SAMD5: variants seen among roughly 807,000 people sequenced by gnomAD.
SAMD5 encodes sterile alpha motif domain-containing protein 5.
In SAMD5, 13 loss-of-function variants were observed where a neutral mutation model predicts 11.3. The observed-to-expected ratio is 1.15, with a 90% CI of 0.75 to 1.83. The LOEUF (loss-of-function observed/expected upper bound fraction) is 1.83, where lower values mean the gene tolerates loss of function less well. Ranked by LOEUF, SAMD5 falls within the 40% of genes most tolerant of loss-of-function variation. The pLI is 0.00. For missense variants in SAMD5, 255 were observed against 239.1 expected, an observed-to-expected ratio of 1.07 and a Z score of -0.44; for synonymous variants, 129 against 111.3, an observed-to-expected ratio of 1.16 and a Z score of -1.00.
At chr6:147,843,944 T>C in the SAMD5 span, among the ~76,000 whole-genome samples, 3 of 152,142 alleles carry the variant, frequency 2.0e-5, no homozygotes, top group Admixed American at 6.5e-5. Flanking sequence ...AGTGATTTCT[T>C]GAATATGACC....
chr6:147,751,071 G>A, the SAMD5 span, among the ~76,000 whole-genome samples: 30 of 152,116 alleles, frequency 2.0e-4, no homozygotes, highest in East Asian at 1.9e-4. Context: ...TGGCTCCAAC[G>A]ACACATCTCC....
chr6:147,584,533 G>A (rs1303093809), intron 1 of SAMD5, among the ~76,000 whole-genome samples: 2 of 152,136 alleles, frequency 1.3e-5, no homozygotes, highest in Non-Finnish European at 2.9e-5. Context: ...AGCCAGGGCT[G>A]CCCTGGCCTC....
chr6:147,733,840 A>C (rs1038218470), intron 1 of SAMD5: 1 of 614,462 alleles, frequency 1.6e-6, no homozygotes, highest in African/African-American at 2.0e-5. Context: ...TGCAGAGTTA[A>C]AACACTTGGC....
the SAMD5 span, among the ~76,000 whole-genome samples, chr6:147,798,305 C>T: frequency 6.6e-6 from 1 of 150,612 alleles, no homozygotes; most frequent in African/African-American, 2.5e-5. Context: ...ATCTTTATTT[C>T]TGCCTTCATT....
At chr6:147,588,669 GT>G (rs374750438) in intron 1 of SAMD5, among the ~76,000 whole-genome samples, 42 of 151,054 alleles carry the variant, frequency 2.8e-4, no homozygotes, top group African/African-American at 7.5e-4. Context: ...AATAAAATGT[GT>G]TTTTTTTTAC....
At chr6:147,692,761 C>T (rs1791121781) in intron 1 of SAMD5, among the ~76,000 whole-genome samples, 1 of 152,098 alleles carries the variant, frequency 6.6e-6, no homozygotes, top group Non-Finnish European at 1.5e-5. Context: ...ATGTTGGGGC[C>T]TTTTGCGATT....
chr6:147,903,090 G>T, the SAMD5 span, among the ~76,000 whole-genome samples: 1 of 152,170 alleles, frequency 6.6e-6, no homozygotes, highest in East Asian at 1.9e-4. Flanking sequence ...CCTCTATGAG[G>T]TCAGGCCTTC....
intron 1 of SAMD5, among the ~76,000 whole-genome samples, chr6:147,648,545 ACC>A (rs1790437157): frequency 6.6e-6 from 1 of 152,188 alleles, no homozygotes; most frequent in African/African-American, 2.4e-5. Flanking sequence ...ACAAGGGTCC[ACC>A]CCCACTGTCA....
rs150589816 is a variant in SAMD5, at chr6:147,566,010, T to G, written c.*1554T>G. On this transcript the variant is annotated 3_prime_UTR_variant, in exon 2 of 2. Transcript: ENST00000367474. ...ACTCTCAAAGGAAAAGAAACTTACA[T>G]TCACTTTTTCCTGGTCCATTTTGGT... The G allele has an allele frequency of 1.3e-5, 13 of 985,322 alleles. No individual in the cohort carries two copies. The African/African-American group carries it at 2.3e-4, about 17-fold the overall frequency. The allele number at this position is 985,322 out of a possible 1,614,324, so 61.0% of individuals were successfully genotyped here.
At chr6:147,665,100 A>G (rs1790699361) in intron 1 of SAMD5, among the ~76,000 whole-genome samples, 1 of 152,132 alleles carries the variant, frequency 6.6e-6, no homozygotes, top group African/African-American at 2.4e-5. Flanking sequence ...CCCTTAAAAG[A>G]ATGTTTTCAT....
intron 1 of SAMD5, among the ~76,000 whole-genome samples, chr6:147,581,891 T>C (rs1789303824): frequency 6.6e-6 from 1 of 151,542 alleles, no homozygotes; most frequent in African/African-American, 2.4e-5. Context: ...TAGATTAGAG[T>C]ATGTTTAAAT....
chr6:147,723,304 T>A (rs1791581155), intron 1 of SAMD5, among the ~76,000 whole-genome samples: 1 of 152,140 alleles, frequency 6.6e-6, no homozygotes, highest in Non-Finnish European at 1.5e-5. Context: ...TTGGTATCAG[T>A]GCAGGATTTT....
intron 1 of SAMD5, among the ~76,000 whole-genome samples, chr6:147,734,056 G>C (rs374023448): frequency 4.1e-5 from 6 of 147,760 alleles, no homozygotes; most frequent in African/African-American, 1.3e-4. Context: ...TTCCCTATAA[G>C]ATAAGTTTTT....
chr6:147,640,496 G>A (rs1407235967), intron 1 of SAMD5, among the ~76,000 whole-genome samples: 3 of 14,686 alleles, frequency 2.0e-4, no homozygotes, highest in Non-Finnish European at 4.2e-4. Flanking sequence ...AGACTCTGTC[G>A]CAAAAAAAAA....
chr6:147,910,593 G>A, the SAMD5 span, among the ~76,000 whole-genome samples: 3 of 152,084 alleles, frequency 2.0e-5, no homozygotes, highest in Non-Finnish European at 2.9e-5. Context: ...CTATTATAAA[G>A]TGACCCAAAA....
intron 1 of SAMD5, among the ~76,000 whole-genome samples, chr6:147,528,859 G>A (rs1032952389): frequency 5.9e-5 from 9 of 152,164 alleles, no homozygotes; most frequent in African/African-American, 1.9e-4. Flanking sequence ...CATTTGCATG[G>A]CATTTATTAG....
chr6:147,829,142 A>G, the SAMD5 span, among the ~76,000 whole-genome samples: 1 of 152,230 alleles, frequency 6.6e-6, no homozygotes, highest in Non-Finnish European at 1.5e-5. Context: ...AGTCCTGTTT[A>G]ACATAGGAAG....
the SAMD5 span, among the ~76,000 whole-genome samples, chr6:147,895,944 G>A: frequency 5.3e-5 from 8 of 152,222 alleles, no homozygotes; most frequent in African/African-American, 1.9e-4. Flanking sequence ...GAAATTGGAA[G>A]AGACAGCTGG....
the SAMD5 span, among the ~76,000 whole-genome samples, chr6:147,762,624 A>T: frequency 6.6e-6 from 1 of 152,218 alleles, no homozygotes; most frequent in East Asian, 1.9e-4. Flanking sequence ...AAAGTAGTGG[A>T]ACTTTAGAGA....
Sources: allele counts gnomAD v4.1 joint callset (sites outside exome capture counted in the v4.1 genomes callset), GRCh38; gene constraint gnomAD v4.1.1; transcripts MANE v1.5; gene names NCBI Gene and HGNC (gene_info 2026-07-23, HGNC 2026-07-21).